Variants in CPA5 observed in about 807,000 individuals in gnomAD.
CPA5 encodes testicular tissue protein Li 32.
CPA5 carries 38 observed loss-of-function variants against 52.2 expected under a neutral mutation model. The ratio of observed to expected loss-of-function variants is 0.73; its 90% CI spans 0.56 to 0.95. The LOEUF is 0.95. Among genes scored for constraint, CPA5 ranks in the 40% least tolerant of loss-of-function variants. The pLI is 0.00. For missense variants in CPA5, 519 were observed against 566.7 expected, an observed-to-expected ratio of 0.92 and a Z score of 0.86; for synonymous variants, 198 against 213.7, an observed-to-expected ratio of 0.93 and a Z score of 0.64.
intron 12 of CPA5, 117 bp downstream of exon 12, chr7:130,368,107 G>A (rs1796202338): frequency 1.0e-6 from 1 of 960,100 alleles, no homozygotes; most frequent in African/African-American, 1.6e-5. Context: ...CTGGATAGAA[G>A]GGTGAACAGT....
In CPA5 at chr7:130,351,107, G is replaced by A. The variant is rs184139563; in HGVS notation, c.333+998G>A. The stretch of plus-strand genomic sequence containing the variant: ...AGCATTCCGTTCCCATGCGAGCACA[G>A]GGCTGGGGAACTTTGGTCCTTTCAA... On this transcript the variant is annotated intron_variant, in intron 5 of 12. Coordinates refer to ENST00000474905, the MANE Select transcript of CPA5 (RefSeq NM_080385.5). 9.2e-5 allele frequency among the ~76,000 whole-genome samples: 14 copies of A among 152,332 alleles called. No homozygotes were observed. In the East Asian group the frequency reaches 2.7e-3, roughly 29 times the overall value.
At chr7:130,360,539 A>C (rs1221023019) in intron 6 of CPA5, among the ~76,000 whole-genome samples, 1 of 152,256 alleles carries the variant, frequency 6.6e-6, no homozygotes, top group Non-Finnish European at 1.5e-5. Context: ...CCTTCTTGAT[A>C]CCATCCATCT....
Position 130,362,539 on chromosome 7 carries a change from G to C in CPA5, c.636G>C (p.Lys212Asn). ...CCACCGGCATCTGGACTGCCAATAA[G>C]GTCAGCATGGACCTGTAGCCAAGGT... ...THATGIWTAN[K>N]IVSDYGKDRV... The change falls in exon 8 of 13, where the codon AAG becomes AAC. Residue 212 changes from lysine to asparagine, a missense_variant and splice_region_variant. Lys to Asn is a moderately conservative substitution (Grantham distance 94, BLOSUM62 0). Transcript: ENST00000474905. 1 of 1,610,544 alleles carries C rather than the reference G, an allele frequency of 6.2e-7. No individual in the cohort carries two copies. The highest frequency in any genetic ancestry group is 1.1e-5 in the South Asian group (1 of 90,954).
intron 7 of CPA5, 85 bp downstream of exon 7, chr7:130,361,329 G>A (rs1460263649): frequency 1.5e-5 from 15 of 968,796 alleles, no homozygotes; most frequent in East Asian, 2.5e-5. Context: ...GTGGCTGGGC[G>A]GGAGTTTTGC....
At chr7:130,355,458 G>C (rs1302553645) in intron 5 of CPA5, among the ~76,000 whole-genome samples, 1 of 152,162 alleles carries the variant, frequency 6.6e-6, no homozygotes, top group African/African-American at 2.4e-5. Flanking sequence ...CCAGGCTGGA[G>C]TGCAGTGGCA....
At chr7:130,359,997 A>G (rs1795704865) in intron 6 of CPA5, among the ~76,000 whole-genome samples, 1 of 152,216 alleles carries the variant, frequency 6.6e-6, no homozygotes, top group Non-Finnish European at 1.5e-5. Flanking sequence ...AGAATAGAGC[A>G]GGTAGAAGCT....
chr7:130,347,919 G>GC, intron 4 of CPA5, 72 bp downstream of exon 4: 1 of 1,254,836 alleles, frequency 8.0e-7, no homozygotes, highest in Non-Finnish European at 1.1e-6. Context: ...TCCTTGTCCT[G>GC]CCCCCCTTTA....
At chr7:130,361,357 CT>C in intron 7 of CPA5, 113 bp downstream of exon 7, 1 of 719,092 alleles carries the variant, frequency 1.4e-6, no homozygotes, top group Non-Finnish European at 2.5e-6. Flanking sequence ...GACAATTTGT[CT>C]ACTCCTGTCC....
chr7:130,373,065 T>TC (rs137975249), downstream of CPA5, among the ~76,000 whole-genome samples: 3,864 of 152,186 alleles, frequency 0.025, 54 homozygotes, highest in Non-Finnish European at 0.028. Context: ...CTTCCTTCCA[T>TC]ATAGATTGAG....
intron 4 of CPA5, among the ~76,000 whole-genome samples, chr7:130,349,464 G>T (rs975658784): frequency 6.6e-6 from 1 of 152,044 alleles, no homozygotes; most frequent in East Asian, 1.9e-4. Context: ...TTATAGGTCT[G>T]TCAAAAACAT....
downstream of CPA5, among the ~76,000 whole-genome samples, chr7:130,371,966 C>T (rs1480651312): frequency 6.6e-6 from 1 of 152,238 alleles, no homozygotes; most frequent in African/African-American, 2.4e-5. Context: ...TCCAACCTCA[C>T]TGGCTCCTCT....
chr7:130,356,723 C>T (rs1795494906), intron 5 of CPA5, among the ~76,000 whole-genome samples: 1 of 152,244 alleles, frequency 6.6e-6, no homozygotes, highest in Non-Finnish European at 1.5e-5. Flanking sequence ...GTCCTGTCTT[C>T]CTGTGGGTGT....
At chr7:130,352,506 AG>A (rs533986667) in intron 5 of CPA5, among the ~76,000 whole-genome samples, 7 of 146,120 alleles carry the variant, frequency 4.8e-5, no homozygotes, top group African/African-American at 1.8e-4. Flanking sequence ...AGAGCAGGTG[AG>A]GGGGGGCTGG....
chr7:130,368,931 A>C (rs902525204), downstream of CPA5, among the ~76,000 whole-genome samples: 2 of 152,162 alleles, frequency 1.3e-5, no homozygotes, highest in East Asian at 1.9e-4. Flanking sequence ...CACAGAAGGC[A>C]CACATTGTCC....
Position 130,347,864 on chromosome 7 carries a change from C to T in CPA5, c.198+17C>T. The stretch of plus-strand genomic sequence containing the variant: ...CCCCAGAAGGTGAGGACTCCTCAGG[C>T]TTGAGGACAACCCCACCCCCTCCTC... On this transcript the variant is annotated intron_variant, in intron 4 of 12. Transcript: ENST00000474905. 1 of 1,606,378 alleles carries T rather than the reference C, an allele frequency of 6.2e-7. No individual in the cohort carries two copies. Among genetic ancestry groups the T allele is most frequent in the Non-Finnish European group, 8.5e-7 (1 of 1,173,486 alleles).
chr7:130,369,699 G>A (rs563315863), downstream of CPA5, among the ~76,000 whole-genome samples: 1 of 152,184 alleles, frequency 6.6e-6, no homozygotes, highest in Non-Finnish European at 1.5e-5. Context: ...GTGTGTGTGT[G>A]TGTAAAACTG....
rs1191481922 is a variant in CPA5 at position 130,344,839 on chromosome 7, ACT to A, written c.-515_-514del. 1 of 151,000 alleles carries A rather than the reference ACT, an allele frequency of 6.6e-6. No homozygotes were observed. The highest frequency in any genetic ancestry group is 2.4e-5 in the African/African-American group (1 of 41,080). 9.4% of individuals were successfully genotyped at this position (151,000 alleles called of 1,614,324 possible). A position where few individuals can be genotyped will look rare whatever the true frequency, so the allele number is the denominator to read the frequency against. ...CTAACTGCTTCTCTCTCTCTCTTTTACTCTTATTCTTTCTCTCTCACTCTCTC... is the reference window on the plus strand; with the variant it reads ...CTAACTGCTTCTCTCTCTCTCTTTTACTTATTCTTTCTCTCTCACTCTCTC... On this transcript the variant is annotated 5_prime_UTR_variant, in exon 1 of 13. Transcript: ENST00000474905.
intron 7 of CPA5, among the ~76,000 whole-genome samples, chr7:130,362,214 T>C (rs1432028851): frequency 2.6e-5 from 4 of 152,170 alleles, no homozygotes; most frequent in African/African-American, 9.7e-5. Context: ...TCTGTGCTTC[T>C]GGATGGATCA....
downstream of CPA5, among the ~76,000 whole-genome samples, chr7:130,372,245 C>T (rs191856224): frequency 5.5e-4 from 84 of 152,320 alleles, no homozygotes; most frequent in African/African-American, 1.7e-3. Context: ...GGGCAGGGGC[C>T]GTGTGTGCGT....
Sources: allele counts gnomAD v4.1 joint callset (sites outside exome capture counted in the v4.1 genomes callset), GRCh38; gene constraint gnomAD v4.1.1; transcripts MANE v1.5; gene names NCBI Gene and HGNC (gene_info 2026-07-23, HGNC 2026-07-21).